Variants in PDILT observed in about 807,000 individuals in gnomAD.
PDILT encodes protein disulfide-isomerase-like protein of the testis.
In PDILT, 43 loss-of-function variants were observed where a neutral mutation model predicts 53.7. That is an observed-to-expected ratio of 0.80 (90% CI 0.63 to 1.03). The LOEUF is 1.03. Among genes scored for constraint, PDILT ranks in the 50% least tolerant of loss-of-function variants. PDILT has a pLI of 0.00. For missense variants in PDILT, 727 were observed against 712.3 expected, an observed-to-expected ratio of 1.02 and a Z score of -0.24; for synonymous variants, 282 against 274.2, an observed-to-expected ratio of 1.03 and a Z score of -0.28.
In PDILT at chr16:20,359,277, G is replaced by C. The variant is rs748403858; in HGVS notation, c.*42C>G. 7.7e-5 allele frequency: 123 copies of C among 1,603,452 alleles called. No individual in the cohort carries two copies. The highest frequency in any genetic ancestry group is 2.6e-6 in the Non-Finnish European group (3 of 1,175,682). On this transcript the variant is annotated 3_prime_UTR_variant, in exon 12 of 12. Transcript: ENST00000302451. The stretch of plus-strand genomic sequence containing the variant: ...TCAATCCATTCAGAAAATGATGCCA[G>C]GATCTGGAAAATAAGCATCTTTTTT...
In PDILT at chr16:20,361,373, C is replaced by T. The variant is rs145814377; in HGVS notation, c.1417-716G>A. On this transcript the variant is annotated intron_variant, in intron 10 of 11. Coordinates refer to ENST00000302451, the MANE Select transcript of PDILT (RefSeq NM_174924.2). ...GCTAATTTTATATTTTCAGTAGAGACGGGGTTTCACCATGTTGGCCAGGAT... is the reference window on the plus strand; with the variant it reads ...GCTAATTTTATATTTTCAGTAGAGATGGGGTTTCACCATGTTGGCCAGGAT... Among the ~76,000 whole-genome samples the T allele has an allele frequency of 5.9e-5, 9 of 152,036 alleles. No individual in the cohort carries two copies. The East Asian group carries it at 7.7e-4, about 13-fold the overall frequency.
chr16:20,399,106 C>A lies in PDILT; in HGVS notation c.195G>T (p.Val65=), dbSNP rs768251763. 17 of 1,614,148 alleles carry A rather than the reference C, an allele frequency of 1.1e-5. No homozygotes were observed. The highest frequency in any genetic ancestry group is 1.7e-5 in the Admixed American group (1 of 60,014). ...QMLNQTRFLM[V]LFHNPSSKQS... ...CAGGATGGGGGCACTCACGGAAAAG[C>A]ACCATGAGGAAGCGGGTCTGGTTCA... The change falls in exon 2 of 12, where the codon GTG becomes GTT. Residue 65 remains valine, a synonymous_variant. Transcript: ENST00000302451.
chr16:20,399,149 G>A lies in PDILT; in HGVS notation c.152C>T (p.Ala51Val). ...CTGGTTCAGCATCTGGGTCAGGCCA[G>A]CGGGCGTTAGCACTAGGAGACTGCG... ...EERSLLVLTP[A>V]GLTQMLNQTR... The change falls in exon 2 of 12, where the codon GCT (alanine) becomes GTT (valine). Residue 51 changes from alanine to valine, a missense_variant. By Grantham distance (64) the Ala-to-Val change is moderately conservative (BLOSUM62 0). Coordinates refer to ENST00000302451, the MANE Select transcript of PDILT (RefSeq NM_174924.2). 6.2e-7 allele frequency: 1 copy of A among 1,614,218 alleles called. No homozygotes were observed. Among genetic ancestry groups the A allele is most frequent in the Non-Finnish European group, 8.5e-7 (1 of 1,180,022 alleles).
At chr16:20,394,232 G>C (rs1966636941) in intron 2 of PDILT, among the ~76,000 whole-genome samples, 1 of 152,186 alleles carries the variant, frequency 6.6e-6, no homozygotes, top group South Asian at 2.1e-4. Context: ...GCAATCTCTT[G>C]GAGAAAATAG....
intron 8 of PDILT, among the ~76,000 whole-genome samples, chr16:20,368,603 G>C (rs960383044): frequency 6.4e-5 from 7 of 109,632 alleles, no homozygotes; most frequent in East Asian, 2.0e-4. Flanking sequence ...ACTTTTTTTG[G>C]GGGGGTGGTG....
At chr16:20,368,830 C>A (rs1209899480) in intron 8 of PDILT, among the ~76,000 whole-genome samples, 1 of 152,098 alleles carries the variant, frequency 6.6e-6, no homozygotes, top group East Asian at 1.9e-4. Context: ...GTGATCCTCT[C>A]ACCTCAACTT....
intron 2 of PDILT, among the ~76,000 whole-genome samples, chr16:20,396,575 G>T (rs550644797): frequency 6.6e-6 from 1 of 152,188 alleles, no homozygotes; most frequent in African/African-American, 2.4e-5. Flanking sequence ...AATCCCTCGT[G>T]CACTCAAAGA....
At chr16:20,367,527 C>T (rs1966231337) in intron 8 of PDILT, among the ~76,000 whole-genome samples, 2 of 152,116 alleles carry the variant, frequency 1.3e-5, no homozygotes, top group East Asian at 1.9e-4. Flanking sequence ...TAGAGGATGC[C>T]CATCTCTCCT....
intron 2 of PDILT, among the ~76,000 whole-genome samples, chr16:20,391,404 C>T (rs1447749941): frequency 6.6e-6 from 1 of 152,130 alleles, no homozygotes; most frequent in Non-Finnish European, 1.5e-5. Flanking sequence ...TTACCGTCTC[C>T]ACATCATGCT....
At chr16:20,384,942 A>G in intron 2 of PDILT, 91 bp from the exon 3 acceptor site, 1 of 1,288,458 alleles carries the variant, frequency 7.8e-7, no homozygotes, top group Non-Finnish European at 1.1e-6. Flanking sequence ...TAGCTCCCGG[A>G]ACCTTTCTTG....
At chr16:20,383,312 C>T (rs1966486216) in intron 3 of PDILT, among the ~76,000 whole-genome samples, 1 of 152,168 alleles carries the variant, frequency 6.6e-6, no homozygotes, top group South Asian at 2.1e-4. Flanking sequence ...CTCATTTCCT[C>T]ACAGCTCTCC....
intron 7 of PDILT, among the ~76,000 whole-genome samples, chr16:20,370,462 T>C (rs1279716263): frequency 6.6e-6 from 1 of 152,128 alleles, no homozygotes; most frequent in East Asian, 1.9e-4. Context: ...AGCTGGGACA[T>C]AGTTGATAGT....
intron 8 of PDILT, among the ~76,000 whole-genome samples, chr16:20,369,103 C>G (rs1243933886): frequency 6.6e-6 from 1 of 152,204 alleles, no homozygotes; most frequent in Non-Finnish European, 1.5e-5. Context: ...CTTGATTGCC[C>G]TGTGGCTCCA....
chr16:20,359,647 CA>C lies in PDILT; in HGVS notation c.1507-81del, dbSNP rs750774814. On this transcript the variant is annotated intron_variant, in intron 11 of 11. Transcript: ENST00000302451. Reference sequence around the variant, plus strand: ...AATAAAGAGGCAAGAAATATGTCATCATTGTGGTTGTAATAGTCAAGCCTAC... The same window carrying C: ...AATAAAGAGGCAAGAAATATGTCATCTTGTGGTTGTAATAGTCAAGCCTAC... 1.0e-5 allele frequency: 14 copies of C among 1,403,670 alleles called. 1 individual carries two copies. The highest frequency in any genetic ancestry group is 1.4e-5 in the Non-Finnish European group (14 of 1,013,268). 87.0% of individuals were successfully genotyped at this position (1,403,670 alleles called of 1,614,324 possible).
chr16:20,374,228 G>T (rs1052453256), intron 5 of PDILT, among the ~76,000 whole-genome samples: 13 of 152,024 alleles, frequency 8.6e-5, no homozygotes, highest in Admixed American at 4.6e-4. Context: ...AATAAAGATA[G>T]AAATGAATGG....
intron 9 of PDILT, 143 bp downstream of exon 9, chr16:20,365,277 C>T: frequency 1.1e-6 from 1 of 875,410 alleles, no homozygotes; most frequent in Non-Finnish European, 1.8e-6. Context: ...CATCTTGAGT[C>T]AATCCCTTTG....
chr16:20,367,099 CT>C (rs200557672), intron 8 of PDILT, among the ~76,000 whole-genome samples: 13 of 87,414 alleles, frequency 1.5e-4, no homozygotes, highest in African/African-American at 5.2e-4. Context: ...TTCTTTCTTT[CT>C]TTCTTCCTTT....
intron 2 of PDILT, among the ~76,000 whole-genome samples, chr16:20,392,830 T>C (rs1284281730): frequency 6.6e-6 from 1 of 152,200 alleles, no homozygotes; most frequent in Admixed American, 6.5e-5. Context: ...TCAGATTTAG[T>C]GTCAGTTCTT....
chr16:20,367,825 G>A (rs1003319846), intron 8 of PDILT, among the ~76,000 whole-genome samples: 1 of 152,160 alleles, frequency 6.6e-6, no homozygotes, highest in South Asian at 2.1e-4. Context: ...GTCCATGGGA[G>A]CCTGGTTTGC....
Sources: gnomAD v4.1 joint callset for allele counts (sites outside exome capture counted in the v4.1 genomes callset) on GRCh38, gnomAD v4.1.1 for gene constraint, MANE v1.5 for transcripts, NCBI Gene and HGNC (gene_info 2026-07-23, HGNC 2026-07-21) for gene names.